The following RXRB variants were observed in gnomAD, a reference collection of about 807,000 sequenced individuals.
RXRB encodes retinoic acid receptor RXR-beta.
A neutral mutation model predicts 52.5 loss-of-function variants in RXRB; 18 were observed. The observed-to-expected ratio is 0.34, with a 90% CI of 0.24 to 0.51. The LOEUF is 0.51. RXRB is among the 20% of genes least tolerant of loss of function. The probability of loss-of-function intolerance (pLI) is 0.97; values close to 1 mark genes in which losing one functional copy is unlikely to be tolerated. For synonymous variants in RXRB, 233 were observed against 267.1 expected (o/e 0.87, Z 1.25); for missense variants, 455 against 698.2 (o/e 0.65, Z 3.92).
chr6:33,200,416 G>T lies in RXRB; in HGVS notation c.61C>A (p.Pro21Thr). 1 of 1,577,938 alleles carries T rather than the reference G, an allele frequency of 6.3e-7. No homozygotes were observed. Residue 21 changes from proline (P) to threonine (T), a missense_variant, in exon 1 of 10, where the codon CCG (proline) becomes ACG (threonine). Physicochemically the swap from Pro to Thr is conservative, Grantham distance 38 (BLOSUM62 -1). Coordinates refer to ENST00000374680, the MANE Select transcript of RXRB (RefSeq NM_021976.5). This position sits in a 1 kb window ranked among gnomAD's most constrained non-coding sequence, Gnocchi z 6.3. ...PQRHAAGQCG[P>T]VGVRKEMHCG... is the part of the protein sequence containing the mutation. ...TGCATTTCTTTTCGCACCCCCACCGGCCCACACTGCCCTGCGGCATGCCGC... is the reference window on the plus strand; with the variant it reads ...TGCATTTCTTTTCGCACCCCCACCGTCCCACACTGCCCTGCGGCATGCCGC...
rs6531 is a variant in RXRB, at chr6:33,195,674, G to A, written c.1152C>T (p.Phe384=). The stretch of plus-strand genomic sequence containing the variant: ...CTCGAACATCAATGGATCGGTGTGA[G>A]AAGGAGGCAATGAGGAGTTCATTCC... ...AGWNELLIAS[F]SHRSIDVRDG... is the part of the protein sequence containing the mutation. Residue 384 remains phenylalanine (F), a synonymous_variant, in exon 7 of 10, where the codon TTC becomes TTT. Transcript: ENST00000374680. This position sits in a 1 kb window ranked among gnomAD's most constrained non-coding sequence, Gnocchi z 8.6. 1,193,009 of 1,612,344 alleles carry A rather than the reference G, an allele frequency of 0.74. 444,715 individuals carry two copies. The highest frequency in any genetic ancestry group is 0.98 in the East Asian group (43,965 of 44,876).
chr6:33,195,722 T>C lies in RXRB; in HGVS notation c.1124-20A>G. 1 of 1,609,554 alleles carries C rather than the reference T, an allele frequency of 6.2e-7. No individual in the cohort carries two copies. Among genetic ancestry groups the C allele is most frequent in the Non-Finnish European group, 8.5e-7 (1 of 1,179,574 alleles). On this transcript the variant is annotated intron_variant, in intron 6 of 9. Coordinates refer to ENST00000374680, the MANE Select transcript of RXRB (RefSeq NM_021976.5). This position sits in a 1 kb window ranked among gnomAD's most constrained non-coding sequence, Gnocchi z 8.6. ...TCCAGCCTGGGTGGGGCAGCAAGGG[T>C]CAGGAGCCAGAAATCAGGCCAAGGG...
chr6:33,194,525 A>T lies in RXRB; in HGVS notation c.*157T>A. ...GGGTCCCTTCCAACTTGGGATATCA[A>T]GCAGATCCCTTGGAGGGTTTATGTT... On this transcript the variant is annotated 3_prime_UTR_variant, in exon 10 of 10. Coordinates refer to ENST00000374680, the MANE Select transcript of RXRB (RefSeq NM_021976.5). The surrounding 1 kb of genome is among the most constrained non-coding windows in gnomAD (Gnocchi z 4.1). 1 of 718,388 alleles carries T rather than the reference A, an allele frequency of 1.4e-6. No individual in the cohort carries two copies. Among genetic ancestry groups the T allele is most frequent in the Non-Finnish European group, 2.2e-6 (1 of 459,488 alleles). The allele number at this position is 718,388 out of a possible 1,614,324, so 44.5% of individuals were successfully genotyped here.
rs1455669732 is a variant in RXRB at position 33,200,142 on chromosome 6, G to A, written c.235+100C>T. On this transcript the variant is annotated intron_variant, in intron 1 of 9. Coordinates refer to ENST00000374680, the MANE Select transcript of RXRB (RefSeq NM_021976.5). The surrounding 1 kb of genome is among the most constrained non-coding windows in gnomAD (Gnocchi z 6.3). ...AGGGGACGCGTGTTTACAAACAAGGGGGCGGGAGCGCAAGGAAAAGAGCAC... is the reference window on the plus strand; with the variant it reads ...AGGGGACGCGTGTTTACAAACAAGGAGGCGGGAGCGCAAGGAAAAGAGCAC... 1 of 1,485,838 alleles carries A rather than the reference G, an allele frequency of 6.7e-7. No homozygotes were observed. Among genetic ancestry groups the A allele is most frequent in the Admixed American group, 1.7e-5 (1 of 58,232 alleles). 92.0% of individuals were successfully genotyped at this position (1,485,838 alleles called of 1,614,324 possible).
chr6:33,195,251 T>G lies in RXRB; in HGVS notation c.1348+112A>C, dbSNP rs537274143. On this transcript the variant is annotated intron_variant, in intron 8 of 9. Coordinates refer to ENST00000374680, the MANE Select transcript of RXRB (RefSeq NM_021976.5). The surrounding 1 kb of genome is among the most constrained non-coding windows in gnomAD (Gnocchi z 8.6). ...TTTTTCCTCGGCCAGTTGGGAGATT[T>G]CCAGGTTGAGGGTCTTACTGAGGGG... is the stretch of plus-strand genomic sequence containing the variant. 1 of 828,790 alleles carries G rather than the reference T, an allele frequency of 1.2e-6. No homozygotes were observed. Among genetic ancestry groups the G allele is most frequent in the Admixed American group, 1.9e-5 (1 of 52,764 alleles). The allele number at this position is 828,790 out of a possible 1,614,324, so 51.3% of individuals were successfully genotyped here.
At chr6:33,198,938 A>G (rs1385826313) in intron 2 of RXRB, among the ~76,000 whole-genome samples, 3 of 149,034 alleles carry the variant, frequency 2.0e-5, no homozygotes, top group African/African-American at 7.5e-5. Context: ...AAAAAAACAC[A>G]CACACACACA....
rs1166819163 is a variant in RXRB at position 33,195,055 on chromosome 6, G to A, written c.1349-5C>T. 23 of 1,594,684 alleles carry A rather than the reference G, an allele frequency of 1.4e-5. No individual in the cohort carries two copies. Among genetic ancestry groups the A allele is most frequent in the Non-Finnish European group, 2.0e-5 (23 of 1,163,502 alleles). On this transcript the variant is annotated splice_region_variant and splice_polypyrimidine_tract_variant and intron_variant, in intron 8 of 9. Transcript: ENST00000374680. This position sits in a 1 kb window ranked among gnomAD's most constrained non-coding sequence, Gnocchi z 8.6. The stretch of plus-strand genomic sequence containing the variant: ...GGTTGGAGAGGCCCTTGGCATCTGG[G>A]ATGGCAGGGAAGAGAGGAGGAAGAG...
Position 33,200,633 on chromosome 6 carries a change from C to G in RXRB, c.-157G>C. The G allele has an allele frequency of 6.6e-7, 1 of 1,512,800 alleles. No individual in the cohort carries two copies. The highest frequency in any genetic ancestry group is 1.3e-5 in the South Asian group (1 of 78,116). The allele number at this position is 1,512,800 out of a possible 1,614,324, so 93.7% of individuals were successfully genotyped here. ...GCTCTGCTCAGTACCAAAATGACAG[C>G]GCCAATGTGGCAGCCATCTTTGTAC... is the stretch of plus-strand genomic sequence containing the variant. On this transcript the variant is annotated 5_prime_UTR_variant, in exon 1 of 10. Transcript: ENST00000374680. This position sits in a 1 kb window ranked among gnomAD's most constrained non-coding sequence, Gnocchi z 6.3.
chr6:33,198,248 C>T, intron 3 of RXRB, 60 bp downstream of exon 3: 1 of 1,608,720 alleles, frequency 6.2e-7, no homozygotes, highest in South Asian at 1.1e-5. Flanking sequence ...CCTGGGAATC[C>T]CACAGGTGAT....
chr6:33,196,353 G>A lies in RXRB; in HGVS notation c.993+81C>T, dbSNP rs1397404682. 2.2e-6 allele frequency: 3 copies of A among 1,375,432 alleles called. No homozygotes were observed. The highest frequency in any genetic ancestry group is 2.3e-5 in the East Asian group (1 of 43,778). The allele number at this position is 1,375,432 out of a possible 1,614,324, so 85.2% of individuals were successfully genotyped here. A position where few individuals can be genotyped will look rare whatever the true frequency, so the allele number is the denominator to read the frequency against. On this transcript the variant is annotated intron_variant, in intron 5 of 9. Coordinates refer to ENST00000374680, the MANE Select transcript of RXRB (RefSeq NM_021976.5). The surrounding 1 kb of genome is among the most constrained non-coding windows in gnomAD (Gnocchi z 4.0). ...TTAGGAAGGTTATGAGGGGAAAGGA[G>A]GGGGAGGGGATGTAGAACAGACCTA... is the stretch of plus-strand genomic sequence containing the variant.
upstream of RXRB, chr6:33,200,793 G>A (rs1774462372): frequency 1.3e-6 from 2 of 1,530,054 alleles, no homozygotes; most frequent in Non-Finnish European, 1.8e-6. This position sits in a 1 kb window ranked among gnomAD's most constrained non-coding sequence, Gnocchi z 6.3. Flanking sequence ...GCGTGTCAGT[G>A]CAGGATGGAT....
intron 1 of RXRB, 88 bp from the exon 2 acceptor site, chr6:33,199,504 G>A: frequency 1.8e-6 from 2 of 1,088,656 alleles, no homozygotes; most frequent in East Asian, 3.1e-5. Context: ...TCCAACTAGA[G>A]ACTTTAATTC....
chr6:33,200,250 C>T lies in RXRB; in HGVS notation c.227G>A (p.Ser76Asn), dbSNP rs1562423082. ...GEAGRDGMGD[S>N]GRDSRSPDSS... ...TCTGCTGGGGCACTCACCCCGCCCG[C>T]TGTCGCCCATCCCGTCCCGTCCAGC... is the stretch of plus-strand genomic sequence containing the variant. The change falls in exon 1 of 10, where the codon AGC becomes AAC. Residue 76 changes from serine to asparagine, a missense_variant. Coordinates refer to ENST00000374680, the MANE Select transcript of RXRB (RefSeq NM_021976.5). The surrounding 1 kb of genome is among the most constrained non-coding windows in gnomAD (Gnocchi z 6.3). 1.9e-6 allele frequency: 3 copies of T among 1,606,590 alleles called. No individual in the cohort carries two copies. The highest frequency in any genetic ancestry group is 1.1e-5 in the South Asian group (1 of 90,808).
At position 33,195,521 on chromosome 6, in the gene RXRB, T is replaced by A. The variant is rs754874313; in HGVS notation, c.1256+49A>T. ...CCAGCCTTGGACACGGACCAGCCTA[T>A]AGCCCCACCCCCTCTATCTACATGC... On this transcript the variant is annotated intron_variant, in intron 7 of 9. Coordinates refer to ENST00000374680, the MANE Select transcript of RXRB (RefSeq NM_021976.5). This position sits in a 1 kb window ranked among gnomAD's most constrained non-coding sequence, Gnocchi z 8.6. 24 of 1,612,850 alleles carry A rather than the reference T, an allele frequency of 1.5e-5. No individual in the cohort carries two copies. In the Admixed American group the frequency reaches 4.0e-4, roughly 27 times the overall value.
At position 33,200,539 on chromosome 6, in the gene RXRB, G is replaced by A. The variant is rs1583427886; in HGVS notation, c.-63C>T. Reference sequence around the variant, plus strand: ...AGGGATTCCCAAGGATTGATCGGAGGATTAGCTGAGCACGAGGAAGCCCCT... The same window carrying A: ...AGGGATTCCCAAGGATTGATCGGAGAATTAGCTGAGCACGAGGAAGCCCCT... On this transcript the variant is annotated 5_prime_UTR_variant, in exon 1 of 10. Transcript: ENST00000374680. The surrounding 1 kb of genome is among the most constrained non-coding windows in gnomAD (Gnocchi z 6.3). 3 of 1,518,550 alleles carry A rather than the reference G, an allele frequency of 2.0e-6. No individual in the cohort carries two copies. The highest frequency in any genetic ancestry group is 1.4e-5 in the African/African-American group (1 of 73,144). The allele number at this position is 1,518,550 out of a possible 1,614,324, so 94.1% of individuals were successfully genotyped here. A position where few individuals can be genotyped will look rare whatever the true frequency, so the allele number is the denominator to read the frequency against.
In RXRB at chr6:33,197,737, A is replaced by G; in HGVS notation, c.820+25T>C. 6.2e-7 allele frequency: 1 copy of G among 1,611,888 alleles called. No homozygotes were observed. Among genetic ancestry groups the G allele is most frequent in the Non-Finnish European group, 8.5e-7 (1 of 1,178,890 alleles). On this transcript the variant is annotated intron_variant, in intron 4 of 9. Transcript: ENST00000374680. The surrounding 1 kb of genome is among the most constrained non-coding windows in gnomAD (Gnocchi z 4.4). ...AAGGGAGAAGGGCATGTGGTCTAAG[A>G]CGCCTGGGCAGGGCGGGTCCTTACC...
chr6:33,195,270 T>G lies in RXRB; in HGVS notation c.1348+93A>C. 2.3e-6 allele frequency: 2 copies of G among 887,716 alleles called. No individual in the cohort carries two copies. Among genetic ancestry groups the G allele is most frequent in the South Asian group, 2.7e-5 (2 of 73,962 alleles). The allele number at this position is 887,716 out of a possible 1,614,324, so 55.0% of individuals were successfully genotyped here. ...GAGATTTCCAGGTTGAGGGTCTTAC[T>G]GAGGGGGATAGCTGGGTAACTTAGG... On this transcript the variant is annotated intron_variant, in intron 8 of 9. Coordinates refer to ENST00000374680, the MANE Select transcript of RXRB (RefSeq NM_021976.5). The surrounding 1 kb of genome is among the most constrained non-coding windows in gnomAD (Gnocchi z 8.6).
rs377023238 is a variant in RXRB at position 33,199,162 on chromosome 6, C to T, written c.483+7G>A. 13 of 1,297,812 alleles carry T rather than the reference C, an allele frequency of 1.0e-5. No individual in the cohort carries two copies. The African/African-American group carries it at 1.7e-4, about 17-fold the overall frequency. The allele number at this position is 1,297,812 out of a possible 1,614,324, so 80.4% of individuals were successfully genotyped here. A position where few individuals can be genotyped will look rare whatever the true frequency, so the allele number is the denominator to read the frequency against. On this transcript the variant is annotated splice_region_variant and intron_variant, in intron 2 of 9. Transcript: ENST00000374680. Reference sequence around the variant, plus strand: ...GGCCAGGCAGTAAGTTGGTCACAACCTCTCACCTGGGGGCTGCTGACAGGC... The same window carrying T: ...GGCCAGGCAGTAAGTTGGTCACAACTTCTCACCTGGGGGCTGCTGACAGGC...
At chr6:33,198,122 C>T (rs1275545236) in intron 3 of RXRB, among the ~76,000 whole-genome samples, 181 bp from the exon 4 acceptor site, 1 of 152,204 alleles carries the variant, frequency 6.6e-6, no homozygotes, top group Non-Finnish European at 1.5e-5. Flanking sequence ...AAACCCTACA[C>T]GCTGCTTCCT....
Sources: allele counts gnomAD v4.1 joint callset (sites outside exome capture counted in the v4.1 genomes callset), GRCh38; gene constraint gnomAD v4.1.1; non-coding constraint Gnocchi (gnomAD v3.1); transcripts MANE v1.5; gene names NCBI Gene and HGNC (gene_info 2026-07-23, HGNC 2026-07-21).